USP6NL: variants seen among roughly 807,000 people sequenced by gnomAD.
The protein encoded by USP6NL is USP6 N-terminal-like protein.
USP6NL carries 26 observed loss-of-function variants against 61.9 expected under a neutral mutation model. The observed-to-expected ratio is 0.42, with a 90% CI of 0.31 to 0.58. USP6NL has a LOEUF of 0.58. USP6NL is among the 20% of genes least tolerant of loss of function. The pLI, the probability that USP6NL is intolerant of heterozygous loss-of-function variation, is 0.16. For synonymous variants in USP6NL, 432 were observed against 390.1 expected, an observed-to-expected ratio of 1.11 and a Z score of -1.27; for missense variants, 1,114 against 1,034.3, an observed-to-expected ratio of 1.08 and a Z score of -1.06.
intron 1 of USP6NL, among the ~76,000 whole-genome samples, chr10:11,610,864 AC>A: frequency 6.6e-6 from 1 of 152,002 alleles, no homozygotes; most frequent in Admixed American, 6.6e-5. Flanking sequence ...GCAGTAAAAC[AC>A]CTGCGAGGAA....
Position 11,575,455 on chromosome 10 carries a change from C to T in USP6NL, c.4+22176G>A, listed in dbSNP as rs979260024. On this transcript the variant is annotated intron_variant, in intron 2 of 14. Coordinates refer to ENST00000609104, the MANE Select transcript of USP6NL (RefSeq NM_014688.5). This position sits in a 1 kb window ranked among gnomAD's most constrained non-coding sequence, Gnocchi z 4.2. Reference sequence around the variant, plus strand: ...AACTTTCCATTAGCTTTCCTCTCTCCCAGTCTTTCTCTTTCTGCAAGGAAG... The same window carrying T: ...AACTTTCCATTAGCTTTCCTCTCTCTCAGTCTTTCTCTTTCTGCAAGGAAG... Among the ~76,000 whole-genome samples, 1 of 152,152 alleles carries T rather than the reference C, an allele frequency of 6.6e-6. No homozygotes were observed. The highest frequency in any genetic ancestry group is 1.5e-5 in the Non-Finnish European group (1 of 68,028).
rs548258965 is a variant in USP6NL at position 11,561,226 on chromosome 10, A to G, written c.5-33659T>C. On this transcript the variant is annotated intron_variant, in intron 2 of 14. Transcript: ENST00000609104. The surrounding 1 kb of genome is among the most constrained non-coding windows in gnomAD (Gnocchi z 4.1). ...GTAGAATACCTCATTTCCTAACTGA[A>G]CACTTAATTCATGCTTATAAAATAT... Among the ~76,000 whole-genome samples the G allele has an allele frequency of 6.6e-6, 1 of 152,332 alleles. No individual in the cohort carries two copies. The highest frequency in any genetic ancestry group is 1.9e-4 in the East Asian group (1 of 5,188).
chr10:11,559,955 G>GA (rs1252492799), intron 2 of USP6NL, among the ~76,000 whole-genome samples: 4 of 151,940 alleles, frequency 2.6e-5, no homozygotes, highest in Non-Finnish European at 5.9e-5. Flanking sequence ...ATTTGTGCAT[G>GA]AAAAAAAGAC....
At chr10:11,472,331 C>T (rs1209502798) in intron 14 of USP6NL, among the ~76,000 whole-genome samples, 2 of 152,202 alleles carry the variant, frequency 1.3e-5, no homozygotes, top group Non-Finnish European at 2.9e-5. Flanking sequence ...GTCTCTGTCA[C>T]CCCCCAGTGG....
intron 2 of USP6NL, among the ~76,000 whole-genome samples, chr10:11,567,881 T>C (rs1837221405): frequency 6.6e-6 from 1 of 152,150 alleles, no homozygotes; most frequent in African/African-American, 2.4e-5. Context: ...GAATCTAGTG[T>C]ACAGGGAAGT....
At chr10:11,524,177 T>G (rs1471920911) in intron 4 of USP6NL, among the ~76,000 whole-genome samples, 6 of 152,150 alleles carry the variant, frequency 3.9e-5, no homozygotes, top group South Asian at 2.1e-4. Flanking sequence ...GAGGATTGCT[T>G]AAGGCCAGGA....
intron 2 of USP6NL, among the ~76,000 whole-genome samples, chr10:11,559,024 T>A (rs1023904798): frequency 6.6e-6 from 1 of 152,178 alleles, no homozygotes; most frequent in Non-Finnish European, 1.5e-5. Context: ...CAGACTTCTA[T>A]AGTCATGACA....
chr10:11,536,399 G>C (rs1263918643), intron 2 of USP6NL, among the ~76,000 whole-genome samples: 1 of 152,114 alleles, frequency 6.6e-6, no homozygotes, highest in East Asian at 1.9e-4. Context: ...TCCCATGCCT[G>C]GGGAAAACTG....
chr10:11,565,052 C>T (rs1356649327), intron 2 of USP6NL: 2 of 152,192 alleles, frequency 1.3e-5, no homozygotes, highest in Non-Finnish European at 2.9e-5. Flanking sequence ...CATCATTCTA[C>T]AGGAGTTAAC....
intron 2 of USP6NL, among the ~76,000 whole-genome samples, chr10:11,557,574 C>T (rs540185443): frequency 1.6e-4 from 24 of 152,146 alleles, no homozygotes; most frequent in Admixed American, 1.4e-3. Flanking sequence ...TGAAACCTGA[C>T]GACAGTGGAT....
intron 6 of USP6NL, among the ~76,000 whole-genome samples, chr10:11,507,504 A>G (rs1487276113): frequency 2.0e-5 from 3 of 152,218 alleles, no homozygotes; most frequent in Non-Finnish European, 2.9e-5. Flanking sequence ...ACAAAGTAAT[A>G]TAAGAGCCTA....
chr10:11,486,928 A>G (rs574428637), intron 10 of USP6NL, among the ~76,000 whole-genome samples: 1 of 152,260 alleles, frequency 6.6e-6, no homozygotes, highest in African/African-American at 2.4e-5. Context: ...GGTGCTTTAC[A>G]ATCTACTGGG....
intron 14 of USP6NL, among the ~76,000 whole-genome samples, chr10:11,464,307 G>T (rs1320277997): frequency 2.6e-5 from 4 of 152,174 alleles, no homozygotes; most frequent in Non-Finnish European, 4.4e-5. Context: ...ATGGTGGCCG[G>T]GATTTCGATT....
chr10:11,511,846 CACA>C lies in USP6NL; in HGVS notation c.196-2174_196-2172del. On this transcript the variant is annotated intron_variant, in intron 5 of 14. Transcript: ENST00000609104. The surrounding 1 kb of genome is among the most constrained non-coding windows in gnomAD (Gnocchi z 4.9). The stretch of plus-strand genomic sequence containing the variant: ...TATATTATACACACACACACACACA[CACA>C]CCCCTTGGGAAGCTATAGGATCCGA... Among the ~76,000 whole-genome samples the C allele has an allele frequency of 6.6e-6, 1 of 151,936 alleles. No homozygotes were observed. The highest frequency in any genetic ancestry group is 1.5e-5 in the Non-Finnish European group (1 of 67,988).
chr10:11,569,673 C>T (rs1837290468), intron 2 of USP6NL, among the ~76,000 whole-genome samples: 1 of 152,152 alleles, frequency 6.6e-6, no homozygotes. Flanking sequence ...GATGGAGCAG[C>T]ACATTTGGGA....
At chr10:11,471,201 C>CA (rs1470451229) in intron 14 of USP6NL, among the ~76,000 whole-genome samples, 10 of 151,312 alleles carry the variant, frequency 6.6e-5, no homozygotes, top group Non-Finnish European at 1.0e-4. Flanking sequence ...AACAAACAAA[C>CA]AAAAAAAACA....
At chr10:11,544,582 G>A (rs924733189) in intron 2 of USP6NL, among the ~76,000 whole-genome samples, 4 of 151,964 alleles carry the variant, frequency 2.6e-5, no homozygotes, top group African/African-American at 9.7e-5. Flanking sequence ...CATCCTCCTG[G>A]GTTCAAGCAA....
chr10:11,489,440 A>G lies in USP6NL; in HGVS notation c.544-218T>C, dbSNP rs1185026371. On this transcript the variant is annotated intron_variant, in intron 9 of 14. Transcript: ENST00000609104. This position sits in a 1 kb window ranked among gnomAD's most constrained non-coding sequence, Gnocchi z 5.7. ...GCACAGGTACAAAGTCTAAATTGCT[A>G]CATATTTTTATTGGACTCGGTCTTC... is the stretch of plus-strand genomic sequence containing the variant. Among the ~76,000 whole-genome samples the G allele has an allele frequency of 2.0e-5, 3 of 152,222 alleles. No homozygotes were observed. Among genetic ancestry groups the G allele is most frequent in the African/African-American group, 7.2e-5 (3 of 41,458 alleles).
Position 11,482,342 on chromosome 10 carries a change from C to T in USP6NL, c.926-420G>A, listed in dbSNP as rs1179183364. ...TGTATTTCTTACTGTTTCAGAATTTCCCAGAACATCTGGATTATTAATTTT... is the reference window on the plus strand; with the variant it reads ...TGTATTTCTTACTGTTTCAGAATTTTCCAGAACATCTGGATTATTAATTTT... On this transcript the variant is annotated intron_variant, in intron 13 of 14. Transcript: ENST00000609104. This position sits in a 1 kb window ranked among gnomAD's most constrained non-coding sequence, Gnocchi z 4.0. Among the ~76,000 whole-genome samples, 1 of 152,188 alleles carries T rather than the reference C, an allele frequency of 6.6e-6. No homozygotes were observed. The highest frequency in any genetic ancestry group is 1.5e-5 in the Non-Finnish European group (1 of 68,026).
Sources: gnomAD v4.1 joint callset for allele counts (sites outside exome capture counted in the v4.1 genomes callset) on GRCh38, gnomAD v4.1.1 for gene constraint, Gnocchi (gnomAD v3.1) non-coding constraint, MANE v1.5 for transcripts, NCBI Gene and HGNC (gene_info 2026-07-23, HGNC 2026-07-21) for gene names.